The following DYNC2I1 variants were observed in gnomAD, a reference collection of about 807,000 sequenced individuals.
DYNC2I1 encodes cytoplasmic dynein 2 intermediate chain 1.
Under a neutral mutation model 133.4 loss-of-function variants are expected in DYNC2I1, and 89 were observed. The observed-to-expected ratio is 0.67, with a 90% CI of 0.56 to 0.80. DYNC2I1 has a LOEUF of 0.80. Among genes scored for constraint, DYNC2I1 ranks in the 30% least tolerant of loss-of-function variants. DYNC2I1 has a pLI of 0.00. For synonymous variants in DYNC2I1, 504 were observed against 484.3 expected (o/e 1.04, Z -0.54); for missense variants, 1,291 against 1,314.5 (o/e 0.98, Z 0.28).
chr7:158,883,392 T>C (rs866212045), intron 5 of DYNC2I1, among the ~76,000 whole-genome samples: 2 of 150,390 alleles, frequency 1.3e-5, no homozygotes, highest in African/African-American at 4.9e-5. Flanking sequence ...ATTTTTTTTT[T>C]TTTTGTATTT....
chr7:158,920,402 CGTGT>C (rs1848941012), intron 15 of DYNC2I1, among the ~76,000 whole-genome samples: 1 of 85,936 alleles, frequency 1.2e-5, no homozygotes, highest in African/African-American at 4.6e-5. Context: ...ACGTGAAGTG[CGTGT>C]GTGTACCACA....
chr7:158,915,394 GGTTGACATTAAGGATGATTGTGAAACGTC>G (rs1848001140), intron 14 of DYNC2I1, among the ~76,000 whole-genome samples: 2 of 111,150 alleles, frequency 1.8e-5, no homozygotes, highest in Non-Finnish European at 2.1e-5. Context: ...TCGACATGCT[GGTTGACATTAAGGATGATTGTGAAACGTC>G]GACACGCTGG....
intron 14 of DYNC2I1, among the ~76,000 whole-genome samples, chr7:158,916,417 G>A (rs1585151663): frequency 3.7e-5 from 3 of 81,870 alleles, no homozygotes; most frequent in Non-Finnish European, 8.8e-5. Context: ...CACGCTGGTT[G>A]ACATTAAGGA....
intron 21 of DYNC2I1, among the ~76,000 whole-genome samples, chr7:158,932,199 G>T (rs542954423): frequency 2.6e-5 from 4 of 152,196 alleles, no homozygotes; most frequent in Non-Finnish European, 2.9e-5. Context: ...GCGAGGCCCC[G>T]TCCCTCAGGG....
chr7:158,887,740 C>T (rs1046180263), intron 7 of DYNC2I1, among the ~76,000 whole-genome samples: 5 of 152,164 alleles, frequency 3.3e-5, no homozygotes, highest in Admixed American at 6.6e-5. Flanking sequence ...CAAATTCTAC[C>T]AAGCACATGT....
chr7:158,870,516 C>CTAATTTTT (rs11281702), intron 2 of DYNC2I1, among the ~76,000 whole-genome samples: 22,318 of 147,730 alleles, frequency 0.15, 2,251 homozygotes, highest in East Asian at 0.46. Context: ...ACCAGGCTTG[C>CTAATTTTT]TAATTTTTTA....
downstream of DYNC2I1, among the ~76,000 whole-genome samples, chr7:158,948,519 G>A (rs1032695577): frequency 1.4e-4 from 22 of 152,202 alleles, no homozygotes; most frequent in Admixed American, 2.6e-4. Context: ...TCTTGAGGAC[G>A]GAGGCACTTC....
upstream of DYNC2I1, among the ~76,000 whole-genome samples, chr7:158,852,683 G>A (rs1164644600): frequency 2.6e-5 from 4 of 152,156 alleles, no homozygotes; most frequent in African/African-American, 7.2e-5. Flanking sequence ...AGGTTGCAGT[G>A]AGCTGAGATC....
intron 5 of DYNC2I1, among the ~76,000 whole-genome samples, chr7:158,881,631 A>C (rs112506171): frequency 2.0e-5 from 3 of 151,602 alleles, no homozygotes; most frequent in African/African-American, 7.3e-5. Flanking sequence ...TTTTTTGTAT[A>C]TTTAGTAGAG....
chr7:158,896,437 G>T (rs1424101375), intron 8 of DYNC2I1, among the ~76,000 whole-genome samples: 1 of 152,148 alleles, frequency 6.6e-6, no homozygotes, highest in African/African-American at 2.4e-5. Context: ...TGGGATAAAT[G>T]CCAGTTGGTT....
chr7:158,846,773 T>C, the DYNC2I1 span, among the ~76,000 whole-genome samples: 1 of 152,244 alleles, frequency 6.6e-6, no homozygotes, highest in African/African-American at 2.4e-5. Flanking sequence ...TTCAGCTCTT[T>C]TGAGAAGGCC....
In DYNC2I1 at chr7:158,864,971, G is replaced by T. The variant is rs142045435; in HGVS notation, c.16-4884G>T. Among the ~76,000 whole-genome samples the T allele has an allele frequency of 5.7e-3, 873 of 152,324 alleles. 8 individuals carry two copies. The highest frequency in any genetic ancestry group is 0.022 in the Admixed American group (339 of 15,304). On this transcript the variant is annotated intron_variant, in intron 1 of 24. Transcript: ENST00000407559. ...CTGCAGATGCCAGTGGCACCTTCTCGCTGGAGTCTGCCCAGCTGTCGGAGG... is the reference window on the plus strand; with the variant it reads ...CTGCAGATGCCAGTGGCACCTTCTCTCTGGAGTCTGCCCAGCTGTCGGAGG...
rs755204722 is a variant in DYNC2I1, at chr7:158,862,928, T to A, written c.15+6178T>A. On this transcript the variant is annotated intron_variant, in intron 1 of 24. Transcript: ENST00000407559. ...TAAAGATGGCGCATCTGGAGTTGTT[T>A]GTTCCTCCCGGTGGGTTCATGGTCT... Among the ~76,000 whole-genome samples, 5 of 151,522 alleles carry A rather than the reference T, an allele frequency of 3.3e-5. No homozygotes were observed. In the East Asian group the frequency reaches 9.7e-4, roughly 30 times the overall value.
Position 158,879,760 on chromosome 7 carries a change from A to G in DYNC2I1, c.650A>G (p.Lys217Arg). The G allele has an allele frequency of 6.2e-7, 1 of 1,609,662 alleles. No individual in the cohort carries two copies. The part of the protein sequence containing the change: ...YKEEGERRHR[K>R]PREPDRDNKH... ...GAAGAAGGCGAGAGGAGACACAGGA[A>G]GCCCAGAGAGCCAGATCGAGACAAC... The change falls in exon 5 of 25, where the codon AAG (lysine) becomes AGG (arginine). Residue 217 changes from lysine to arginine, a missense_variant. Physicochemically the swap from Lys to Arg is conservative, Grantham distance 26. Transcript: ENST00000407559.
At chr7:158,944,366 A>T (rs1205513229) in intron 24 of DYNC2I1, among the ~76,000 whole-genome samples, 1 of 152,168 alleles carries the variant, frequency 6.6e-6, no homozygotes, top group Non-Finnish European at 1.5e-5. Flanking sequence ...CATCTGCCGT[A>T]GGTGTAGTTT....
chr7:158,853,521 T>C (rs563179256), upstream of DYNC2I1, among the ~76,000 whole-genome samples: 1 of 152,292 alleles, frequency 6.6e-6, no homozygotes, highest in South Asian at 2.1e-4. Flanking sequence ...ACCTTAGTTT[T>C]TATGAGCTGG....
At chr7:158,889,218 C>T (rs1844941335) in intron 7 of DYNC2I1, among the ~76,000 whole-genome samples, 1 of 151,918 alleles carries the variant, frequency 6.6e-6, no homozygotes, top group South Asian at 2.1e-4. Context: ...GTAGCTGGGA[C>T]TACAGGCGCC....
intron 23 of DYNC2I1, among the ~76,000 whole-genome samples, chr7:158,936,784 C>G (rs1049628229): frequency 1.3e-5 from 2 of 152,220 alleles, no homozygotes; most frequent in African/African-American, 4.8e-5. Context: ...CCCTTTGAGA[C>G]TTCCCTCATT....
At chr7:158,903,787 C>G (rs943330363) in intron 10 of DYNC2I1, 6 of 152,302 alleles carry the variant, frequency 3.9e-5, no homozygotes, top group Middle Eastern at 3.4e-3. Context: ...TGCTGAGACG[C>G]GAGCAGGATT....
Sources: gnomAD v4.1 joint callset for allele counts (sites outside exome capture counted in the v4.1 genomes callset) on GRCh38, gnomAD v4.1.1 for gene constraint, MANE v1.5 for transcripts, NCBI Gene and HGNC (gene_info 2026-07-23, HGNC 2026-07-21) for gene names.